The following NEDD1 variants were observed in gnomAD, a reference collection of about 807,000 sequenced individuals.
NEDD1 encodes NEDD1 gamma-tubulin ring complex targeting factor, also known as protein NEDD1.
Under a neutral mutation model 74.0 loss-of-function variants are expected in NEDD1, and 33 were observed. The ratio of observed to expected loss-of-function variants is 0.45; its 90% confidence interval spans 0.34 to 0.60. The LOEUF (loss-of-function observed/expected upper bound fraction) is 0.60. Among genes scored for constraint, NEDD1 ranks in the 20% least tolerant of loss-of-function variants. The probability of loss-of-function intolerance (pLI) is 0.01; values close to 1 mark genes in which losing one functional copy is unlikely to be tolerated. For synonymous variants in NEDD1, 250 were observed against 264.4 expected, an observed-to-expected ratio of 0.95 and a Z score of 0.53; for missense variants, 746 against 776.5, an observed-to-expected ratio of 0.96 and a Z score of 0.47.
At chr12:96,933,415 A>T (rs1475432629) in intron 6 of NEDD1, among the ~76,000 whole-genome samples, 1 of 152,204 alleles carries the variant, frequency 6.6e-6, no homozygotes, top group Non-Finnish European at 1.5e-5. Flanking sequence ...CTCTGTAATC[A>T]TTAACATAAT....
chr12:96,951,502 T>C lies in NEDD1; in HGVS notation c.1878+4T>C. The C allele has an allele frequency of 2.1e-6, 3 of 1,438,286 alleles. No individual in the cohort carries two copies. The East Asian group carries it at 6.9e-5, about 33-fold the overall frequency. The allele number at this position is 1,438,286 out of a possible 1,614,324, so 89.1% of individuals were successfully genotyped here. A position where few individuals can be genotyped will look rare whatever the true frequency, so the allele number is the denominator to read the frequency against. ...TAAACAGTTTCATATGCAACTGGTA[T>C]GTATGGCAAATTTTATTTTAATATT... is the stretch of plus-strand genomic sequence containing the variant. On this transcript the variant is annotated splice_donor_region_variant and intron_variant, in intron 15 of 15. Transcript: ENST00000266742.
rs201744935 is a variant in NEDD1, at chr12:96,909,732, T to G, written c.-8-20T>G. 2.0e-5 allele frequency: 31 copies of G among 1,586,326 alleles called. No individual in the cohort carries two copies. Among genetic ancestry groups the G allele is most frequent in the Non-Finnish European group, 2.6e-5 (30 of 1,163,396 alleles). The stretch of plus-strand genomic sequence containing the variant: ...TATTCTTAAATGTTTTTAAAATACA[T>G]TGTTTTAAACTATTTGTAGGCGCAG... On this transcript the variant is annotated intron_variant, in intron 2 of 15. Coordinates refer to ENST00000266742, the MANE Select transcript of NEDD1 (RefSeq NM_152905.4).
intron 14 of NEDD1, among the ~76,000 whole-genome samples, chr12:96,950,615 C>T (rs957105589): frequency 1.3e-5 from 2 of 151,666 alleles, no homozygotes; most frequent in African/African-American, 4.8e-5. Context: ...TTTTGTAATG[C>T]TCAAAAACAT....
intron 8 of NEDD1, 79 bp from the exon 9 acceptor site, chr12:96,937,119 A>G (rs1170334677): frequency 2.9e-5 from 23 of 788,816 alleles, no homozygotes; most frequent in Non-Finnish European, 4.1e-5. Flanking sequence ...TTTTTAATCT[A>G]ACAGGGAATT....
chr12:96,908,974 C>T lies in NEDD1; in HGVS notation c.-8-778C>T, dbSNP rs559713761. ...GGCAGATCACCTGAGGTCAGGAGTTCGAGACCAGCCTGACCAACATGGAGA... is the reference window on the plus strand; with the variant it reads ...GGCAGATCACCTGAGGTCAGGAGTTTGAGACCAGCCTGACCAACATGGAGA... On this transcript the variant is annotated intron_variant, in intron 2 of 15. Coordinates refer to ENST00000266742, the MANE Select transcript of NEDD1 (RefSeq NM_152905.4). Among the ~76,000 whole-genome samples the T allele has an allele frequency of 6.0e-3, 916 of 151,994 alleles. 1 individual carries two copies. Among genetic ancestry groups the T allele is most frequent in the South Asian group, 0.019 (92 of 4,806 alleles).
At chr12:96,935,331 G>A (rs1217218648) in intron 7 of NEDD1, 126 bp downstream of exon 7, 1 of 620,180 alleles carries the variant, frequency 1.6e-6, no homozygotes, top group African/African-American at 1.8e-5. Context: ...ACAGTTGATG[G>A]ATCTAGTAAG....
intron 4 of NEDD1, among the ~76,000 whole-genome samples, chr12:96,913,022 G>A (rs1874082059): frequency 6.6e-6 from 1 of 152,104 alleles, no homozygotes. Flanking sequence ...GAATATAGGG[G>A]AACAATTGAA....
At chr12:96,927,765 A>T (rs1875871554) in intron 6 of NEDD1, among the ~76,000 whole-genome samples, 1 of 152,168 alleles carries the variant, frequency 6.6e-6, no homozygotes, top group East Asian at 1.9e-4. Flanking sequence ...CATTTTTAGA[A>T]ATAATAGTTT....
At chr12:96,919,367 A>G (rs1376396295) in intron 5 of NEDD1, among the ~76,000 whole-genome samples, 1 of 152,186 alleles carries the variant, frequency 6.6e-6, no homozygotes, top group Non-Finnish European at 1.5e-5. Flanking sequence ...TCATTTATAA[A>G]ATGGGCAAAA....
chr12:96,939,478 C>G (rs970191327), intron 9 of NEDD1, among the ~76,000 whole-genome samples: 1 of 151,994 alleles, frequency 6.6e-6, no homozygotes, highest in Non-Finnish European at 1.5e-5. Flanking sequence ...TTATTTTATT[C>G]GCCAGTCTTG....
chr12:96,946,979 G>A (rs961203948), intron 14 of NEDD1, among the ~76,000 whole-genome samples: 5 of 152,024 alleles, frequency 3.3e-5, no homozygotes, highest in Non-Finnish European at 5.9e-5. Flanking sequence ...CTTGATAGCC[G>A]CAATCCTTCT....
At chr12:96,912,579 G>A in intron 3 of NEDD1, 144 bp from the exon 4 acceptor site, 1 of 503,382 alleles carries the variant, frequency 2.0e-6, no homozygotes, top group South Asian at 3.6e-5. Context: ...TAATAGTAAT[G>A]TGAGCCATTT....
intron 6 of NEDD1, among the ~76,000 whole-genome samples, chr12:96,931,992 A>G (rs901294991): frequency 1.3e-5 from 2 of 152,100 alleles, no homozygotes; most frequent in East Asian, 1.9e-4. Flanking sequence ...TGTAAAGTTT[A>G]TTGGAACACA....
Position 96,953,651 on chromosome 12 carries a change from CTAAG to C in NEDD1, c.*1605_*1608del, listed in dbSNP as rs1168498473. 2.0e-5 allele frequency: 3 copies of C among 151,260 alleles called. No individual in the cohort carries two copies. Among genetic ancestry groups the C allele is most frequent in the South Asian group, 4.2e-4 (2 of 4,802 alleles). The allele number at this position is 151,260 out of a possible 1,614,324, so 9.4% of individuals were successfully genotyped here. The stretch of plus-strand genomic sequence containing the variant: ...ACATTTTTGTCATGGAATTTAAAAG[CTAAG>C]TAAGTATAAAAAATAAAATGTTATA... On this transcript the variant is annotated 3_prime_UTR_variant, in exon 16 of 16. Transcript: ENST00000266742.
chr12:96,922,199 T>C (rs879623079), intron 6 of NEDD1, among the ~76,000 whole-genome samples: 5 of 152,194 alleles, frequency 3.3e-5, no homozygotes, highest in Non-Finnish European at 7.4e-5. Flanking sequence ...TGGATGAAGA[T>C]AAATGATTTG....
chr12:96,939,176 T>G (rs1877418752), intron 9 of NEDD1, among the ~76,000 whole-genome samples: 1 of 152,064 alleles, frequency 6.6e-6, no homozygotes, highest in Non-Finnish European at 1.5e-5. Context: ...TTGTCCTGAT[T>G]CAGTTATTTC....
intron 6 of NEDD1, among the ~76,000 whole-genome samples, chr12:96,929,621 ATAT>A (rs1876149224): frequency 7.3e-6 from 1 of 136,062 alleles, no homozygotes; most frequent in Non-Finnish European, 1.6e-5. Flanking sequence ...ATATATATAT[ATAT>A]TTTTTTTTTA....
chr12:96,946,978 C>T (rs778517208), intron 14 of NEDD1, among the ~76,000 whole-genome samples: 48 of 152,246 alleles, frequency 3.2e-4, no homozygotes, highest in South Asian at 1.5e-3. Context: ...ACTTGATAGC[C>T]GCAATCCTTC....
intron 7 of NEDD1, among the ~76,000 whole-genome samples, chr12:96,935,407 A>C (rs1876990311): frequency 6.6e-6 from 1 of 152,196 alleles, no homozygotes; most frequent in African/African-American, 2.4e-5. Context: ...GTACTTCTGA[A>C]ACATGAACAT....
Sources: allele counts gnomAD v4.1 joint callset (sites outside exome capture counted in the v4.1 genomes callset), GRCh38; gene constraint gnomAD v4.1.1; transcripts MANE v1.5; gene names NCBI Gene and HGNC (gene_info 2026-07-23, HGNC 2026-07-21).